Variants in ADNP observed in about 807,000 individuals in gnomAD.
The protein encoded by ADNP is activity dependent neuroprotector homeobox, also known as activity-dependent neuroprotector homeobox protein.
In ADNP, 4 loss-of-function variants were observed where a neutral mutation model predicts 84.9. The ratio of observed to expected loss-of-function variants is 0.05; its 90% CI spans 0.02 to 0.11. The LOEUF (loss-of-function observed/expected upper bound fraction) is 0.11, where lower values mean the gene tolerates loss of function less well. Among genes scored for constraint, ADNP ranks in the 10% least tolerant of loss-of-function variants. The pLI, the probability that ADNP is intolerant of heterozygous loss-of-function variation, is 1.00. For synonymous variants in ADNP, 554 were observed against 468.1 expected (o/e 1.18, Z -2.37); for missense variants, 1,132 against 1,326.0 (o/e 0.85, Z 2.27).
intron 3 of ADNP, 92 bp from the exon 4 acceptor site, chr20:50,904,093 C>A (rs1324070106): frequency 1.0e-6 from 1 of 959,474 alleles, no homozygotes; most frequent in South Asian, 1.5e-5. Context: ...AAAACCTACC[C>A]ATCTGACAAA....
At chr20:50,904,138 C>T (rs1296360916) in intron 3 of ADNP, 137 bp from the exon 4 acceptor site, 2 of 623,480 alleles carry the variant, frequency 3.2e-6, no homozygotes, top group East Asian at 2.7e-5. Context: ...AGTGTGTACA[C>T]ACACAGACAC....
intron 2 of ADNP, among the ~76,000 whole-genome samples, chr20:50,907,740 G>A (rs926482954): frequency 1.4e-5 from 2 of 146,358 alleles, no homozygotes; most frequent in East Asian, 2.0e-4. Flanking sequence ...CTACCTAGAC[G>A]CCTGGCTATA....
At chr20:50,927,262 T>C (rs1175303820) in intron 2 of ADNP, among the ~76,000 whole-genome samples, 1 of 152,142 alleles carries the variant, frequency 6.6e-6, no homozygotes, top group African/African-American at 2.4e-5. Context: ...AATCAATGAC[T>C]TCCAAGGTTG....
At chr20:50,924,312 C>A (rs1984150681) in intron 2 of ADNP, among the ~76,000 whole-genome samples, 1 of 152,226 alleles carries the variant, frequency 6.6e-6, no homozygotes. Flanking sequence ...AATTTACACC[C>A]ATACTCTCCC....
chr20:50,913,222 C>T (rs1468471656), intron 2 of ADNP, among the ~76,000 whole-genome samples: 1 of 114,950 alleles, frequency 8.7e-6, no homozygotes, highest in African/African-American at 3.4e-5. Flanking sequence ...CACTGCACTC[C>T]AACCTGGGCA....
At position 50,893,611 on chromosome 20, in the gene ADNP, T is replaced by C. The variant is rs1331039241; in HGVS notation, c.1103A>G (p.Gln368Arg). 9 of 1,614,190 alleles carry C rather than the reference T, an allele frequency of 5.6e-6. No individual in the cohort carries two copies. Among genetic ancestry groups the C allele is most frequent in the Non-Finnish European group, 7.6e-6 (9 of 1,180,030 alleles). ...SIPQQSQSVK[Q>R]LLPSGNGRSY... ...CCTTCCGTTTCCACTTGGAAGTAACTGCTTTACAGACTGAGATTGTTGAGG... is the reference window on the plus strand; with the variant it reads ...CCTTCCGTTTCCACTTGGAAGTAACCGCTTTACAGACTGAGATTGTTGAGG... The change falls in exon 6 of 6, where the codon CAG becomes CGG. Residue 368 changes from glutamine (Q) to arginine (R), a missense_variant. Physicochemically the swap from Gln to Arg is conservative, Grantham distance 43 (BLOSUM62 1). This residue lies in a region of ADNP where 239 missense variants were observed against 213.2 expected (regional missense o/e 1.12). Coordinates refer to ENST00000621696, the MANE Select transcript of ADNP (RefSeq NM_001282531.3). The surrounding 1 kb of genome is among the most constrained non-coding windows in gnomAD (Gnocchi z 4.4).
intron 2 of ADNP, among the ~76,000 whole-genome samples, chr20:50,922,330 G>C (rs543242869): frequency 1.4e-4 from 22 of 152,296 alleles, no homozygotes; most frequent in African/African-American, 5.1e-4. Flanking sequence ...GACTCCAACT[G>C]TAAGTCTGGG....
rs1422255067 is a variant in ADNP, at chr20:50,891,046, C to G, written c.*359G>C. 8 of 1,056,646 alleles carry G rather than the reference C, an allele frequency of 7.6e-6. No homozygotes were observed. In the African/African-American group the frequency reaches 1.2e-4, roughly 16 times the overall value. The allele number at this position is 1,056,646 out of a possible 1,614,324, so 65.5% of individuals were successfully genotyped here. On this transcript the variant is annotated 3_prime_UTR_variant, in exon 6 of 6. Transcript: ENST00000621696. ...ACTGGTAGCTTGTATGTTGGCCCTACACTACCATGTGAATTAGTTTAACAC... is the reference window on the plus strand; with the variant it reads ...ACTGGTAGCTTGTATGTTGGCCCTAGACTACCATGTGAATTAGTTTAACAC...
At chr20:50,904,546 G>A (rs532764925) in intron 3 of ADNP, 1 of 152,432 alleles carries the variant, frequency 6.6e-6, no homozygotes, top group East Asian at 1.9e-4. Context: ...AATACTTAAA[G>A]CAGGCAGGCA....
chr20:50,908,825 C>T (rs1340740748), intron 2 of ADNP, among the ~76,000 whole-genome samples: 1 of 151,656 alleles, frequency 6.6e-6, no homozygotes, highest in African/African-American at 2.4e-5. Flanking sequence ...TAAATGTGGA[C>T]AAGGGATCCA....
chr20:50,930,422 G>T (rs1247170091), intron 1 of ADNP, among the ~76,000 whole-genome samples: 1 of 151,790 alleles, frequency 6.6e-6, no homozygotes, highest in African/African-American at 2.4e-5. Flanking sequence ...TCAAGGCATG[G>T]GGGTGTGCGT....
chr20:50,920,349 G>A (rs991484397), intron 2 of ADNP, among the ~76,000 whole-genome samples: 1 of 151,258 alleles, frequency 6.6e-6, no homozygotes, highest in African/African-American at 2.4e-5. Flanking sequence ...GGGAGGCCAA[G>A]GCAGACAGAT....
At chr20:50,906,972 T>G (rs914480854) in intron 2 of ADNP, among the ~76,000 whole-genome samples, 4 of 95,048 alleles carry the variant, frequency 4.2e-5, no homozygotes, top group African/African-American at 8.6e-5. Flanking sequence ...AGTTTTTTTT[T>G]TTTGTTTTTT....
At chr20:50,901,232 T>C (rs911983081) in intron 5 of ADNP, among the ~76,000 whole-genome samples, 1 of 149,634 alleles carries the variant, frequency 6.7e-6, no homozygotes, top group Non-Finnish European at 1.5e-5. Flanking sequence ...GGCTTTCAGA[T>C]TGATAAAACT....
chr20:50,915,915 A>G (rs1425174840), intron 2 of ADNP, among the ~76,000 whole-genome samples: 6 of 125,984 alleles, frequency 4.8e-5, no homozygotes, highest in Admixed American at 2.3e-4. Flanking sequence ...TAGGATAATC[A>G]TATTATAACA....
At chr20:50,907,026 G>A (rs1292923099) in intron 2 of ADNP, among the ~76,000 whole-genome samples, 8 of 140,718 alleles carry the variant, frequency 5.7e-5, no homozygotes, top group Admixed American at 5.4e-4. Context: ...GGAGTGCAGT[G>A]TCACGATCTT....
At position 50,894,240 on chromosome 20, in the gene ADNP, G is replaced by A. The variant is rs760174070; in HGVS notation, c.474C>T (p.Asp158=). 6.2e-7 allele frequency: 1 copy of A among 1,614,106 alleles called. No homozygotes were observed. Among genetic ancestry groups the A allele is most frequent in the Non-Finnish European group, 8.5e-7 (1 of 1,180,028 alleles). Residue 158 remains aspartate (D), a synonymous_variant, in exon 6 of 6, where the codon GAC becomes GAT. Transcript: ENST00000621696. ...KNDGLKPKQA[D]SVEQAVYYCK... is the part of the protein sequence containing the mutation. ...AGTAATAAACAGCTTGCTCTACACT[G>A]TCAGCCTGCTTAGGTTTAAGGCCAT...
At chr20:50,925,923 A>G (rs1194683381) in intron 2 of ADNP, among the ~76,000 whole-genome samples, 2 of 152,252 alleles carry the variant, frequency 1.3e-5, no homozygotes, top group African/African-American at 4.8e-5. Flanking sequence ...CAACATGGCG[A>G]AATCCCATCT....
chr20:50,923,337 C>G (rs1180583107), intron 2 of ADNP, among the ~76,000 whole-genome samples: 1 of 152,180 alleles, frequency 6.6e-6, no homozygotes, highest in Non-Finnish European at 1.5e-5. Flanking sequence ...TTTCACTATT[C>G]TTGAGTAACA....
Sources: gnomAD v4.1 joint callset for allele counts (sites outside exome capture counted in the v4.1 genomes callset) on GRCh38, gnomAD v4.1.1 for gene constraint, gnomAD v4.1.1 regional missense constraint, Gnocchi (gnomAD v3.1) non-coding constraint, MANE v1.5 for transcripts, NCBI Gene and HGNC (gene_info 2026-07-23, HGNC 2026-07-21) for gene names.